Variants in HSPA14 observed in about 807,000 individuals in gnomAD.
The protein encoded by HSPA14 is heat shock 70 kDa protein 14.
HSPA14 carries 37 observed loss-of-function variants against 65.5 expected under a neutral mutation model. The observed-to-expected ratio is 0.56, with a 90% CI of 0.43 to 0.74. The LOEUF (loss-of-function observed/expected upper bound fraction) is 0.74, where lower values mean the gene tolerates loss of function less well. Among genes scored for constraint, HSPA14 ranks in the 30% least tolerant of loss-of-function variants. HSPA14 has a pLI of 0.00. For missense variants in HSPA14, 564 were observed against 607.6 expected, an observed-to-expected ratio of 0.93 and a Z score of 0.75; for synonymous variants, 203 against 214.2, an observed-to-expected ratio of 0.95 and a Z score of 0.46.
At position 14,842,656 on chromosome 10, in the gene HSPA14, C is replaced by T; in HGVS notation, c.221+2499C>T. On this transcript the variant is annotated intron_variant, in intron 3 of 13. Coordinates refer to ENST00000378372, the MANE Select transcript of HSPA14 (RefSeq NM_016299.4). The surrounding 1 kb of genome is among the most constrained non-coding windows in gnomAD (Gnocchi z 5.2). ...CTTGGGCCAAGCACTGTGATCAGAA[C>T]TTAGTGGCCTCTGACGCCCCAGGGG... 6.5e-7 allele frequency: 1 copy of T among 1,536,218 alleles called. No homozygotes were observed.
intron 8 of HSPA14, 119 bp from the exon 9 acceptor site, chr10:14,854,006 C>A: frequency 1.0e-6 from 1 of 1,002,308 alleles, no homozygotes; most frequent in African/African-American, 1.7e-5. Flanking sequence ...GCGTGAGCCA[C>A]CGCACCCGGC....
At chr10:14,846,301 T>C in intron 3 of HSPA14, 1 of 985,372 alleles carries the variant, frequency 1.0e-6, no homozygotes, top group Non-Finnish European at 1.2e-6. Context: ...ATTCTATAAA[T>C]CTATTAATGG....
intron 3 of HSPA14, chr10:14,846,236 T>A: frequency 1.0e-6 from 1 of 985,244 alleles, no homozygotes; most frequent in Non-Finnish European, 1.2e-6. Flanking sequence ...GGTAGGTAGG[T>A]AGGTAGGTAG....
intron 9 of HSPA14, among the ~76,000 whole-genome samples, chr10:14,854,942 G>C (rs2131642386): frequency 6.6e-6 from 1 of 152,298 alleles, no homozygotes; most frequent in South Asian, 2.1e-4. Context: ...AGTCCTGTTG[G>C]ACAGCTATGC....
Position 14,842,710 on chromosome 10 carries a change from AAG to A in HSPA14, c.221+2554_221+2555del. 1 of 1,536,414 alleles carries A rather than the reference AAG, an allele frequency of 6.5e-7. No homozygotes were observed. Among genetic ancestry groups the A allele is most frequent in the Non-Finnish European group, 8.7e-7 (1 of 1,146,972 alleles). On this transcript the variant is annotated intron_variant, in intron 3 of 13. Coordinates refer to ENST00000378372, the MANE Select transcript of HSPA14 (RefSeq NM_016299.4). This position sits in a 1 kb window ranked among gnomAD's most constrained non-coding sequence, Gnocchi z 5.2. ...AGGGAACCGGCATTCTAAAATCAAA[AAG>A]GACTCAGGCAGCTGATCATCAGCCT...
chr10:14,853,025 C>A (rs991297127), intron 8 of HSPA14, among the ~76,000 whole-genome samples: 1 of 151,814 alleles, frequency 6.6e-6, no homozygotes, highest in East Asian at 1.9e-4. Flanking sequence ...AAAATTCTAA[C>A]CCTTTTGGAT....
chr10:14,870,027 C>G (rs544655158), intron 12 of HSPA14, among the ~76,000 whole-genome samples: 38 of 152,308 alleles, frequency 2.5e-4, no homozygotes, highest in Middle Eastern at 6.8e-3. Context: ...TTGGCAAAGC[C>G]TAAAGTCACT....
At chr10:14,839,836 C>A in intron 1 of HSPA14, 69 bp from the exon 2 acceptor site, 1 of 1,106,480 alleles carries the variant, frequency 9.0e-7, no homozygotes, top group South Asian at 1.5e-5. Context: ...GGCAAAGTAA[C>A]ACTGGTGCAC....
rs755840317 is a variant in HSPA14 at position 14,849,823 on chromosome 10, G to A, written c.467+12G>A. 1.3e-6 allele frequency: 2 copies of A among 1,536,950 alleles called. No individual in the cohort carries two copies. The highest frequency in any genetic ancestry group is 9.0e-7 in the Non-Finnish European group (1 of 1,114,698). On this transcript the variant is annotated intron_variant, in intron 6 of 13. Transcript: ENST00000378372. ...AAAAATGCTCTTGGGTAAGTATATG[G>A]GGTTTATCTTACTGGCTTAATTAAA... is the stretch of plus-strand genomic sequence containing the variant.
At chr10:14,846,631 A>T (rs1460612804) in intron 3 of HSPA14, 3 of 952,024 alleles carry the variant, frequency 3.2e-6, no homozygotes, top group African/African-American at 1.8e-5. Context: ...TTCCTCATTT[A>T]TAAAGTGGGA....
At chr10:14,862,019 AAAAG>A (rs1249892524) in intron 10 of HSPA14, among the ~76,000 whole-genome samples, 1 of 142,522 alleles carries the variant, frequency 7.0e-6, no homozygotes, top group African/African-American at 2.8e-5. Context: ...TCAAAAAAAA[AAAAG>A]AAATAGATTT....
At chr10:14,859,038 G>T (rs2131644056) in intron 10 of HSPA14, among the ~76,000 whole-genome samples, 1 of 152,204 alleles carries the variant, frequency 6.6e-6, no homozygotes. Context: ...GCTTGAGGGG[G>T]ACAGGTTTCT....
intron 3 of HSPA14, among the ~76,000 whole-genome samples, chr10:14,840,722 T>C (rs969130750): frequency 1.3e-5 from 2 of 152,274 alleles, no homozygotes; most frequent in Non-Finnish European, 2.9e-5. Flanking sequence ...CCCAGACTTC[T>C]GTCTCCTCAA....
At position 14,852,403 on chromosome 10, in the gene HSPA14, C is replaced by G; in HGVS notation, c.606C>G (p.Ser202=). 6.2e-7 allele frequency: 1 copy of G among 1,613,794 alleles called. No individual in the cohort carries two copies. The highest frequency in any genetic ancestry group is 2.2e-5 in the East Asian group (1 of 44,860). Residue 202 remains serine, a synonymous_variant, in exon 8 of 14, where the codon TCC becomes TCG. Transcript: ENST00000378372. ...TGGTGTTTAAGCTTGGAGGAACATC[C>G]TTATCTCTCAGCGTCATGGAAGTTA... ...NILVFKLGGT[S]LSLSVMEVNS...
chr10:14,865,434 T>A (rs1832796834), intron 10 of HSPA14, among the ~76,000 whole-genome samples: 1 of 152,138 alleles, frequency 6.6e-6, no homozygotes, highest in Non-Finnish European at 1.5e-5. Flanking sequence ...TAGGTTTTCT[T>A]CTAGGGTTTT....
chr10:14,843,590 C>T (rs1278114208), intron 3 of HSPA14: 10 of 1,550,624 alleles, frequency 6.4e-6, no homozygotes, highest in Non-Finnish European at 8.7e-6. Flanking sequence ...AGGCCCTTGA[C>T]CAGTGAGCCC....
At chr10:14,841,967 T>G in intron 3 of HSPA14, 4 of 436,210 alleles carry the variant, frequency 9.2e-6, no homozygotes, top group East Asian at 1.1e-4. Flanking sequence ...TACCAAGCCA[T>G]TAGGTTCTTG....
At chr10:14,843,834 T>C (rs1471221276) in intron 3 of HSPA14, 2 of 1,536,274 alleles carry the variant, frequency 1.3e-6, no homozygotes, top group African/African-American at 2.7e-5. Flanking sequence ...AGGCAACTGG[T>C]GCTTTTCAGC....
At chr10:14,864,303 A>G (rs1222935545) in intron 10 of HSPA14, among the ~76,000 whole-genome samples, 1 of 142,806 alleles carries the variant, frequency 7.0e-6, no homozygotes, top group Non-Finnish European at 1.5e-5. Context: ...GTTTTTTTGC[A>G]TAGCACCACT....
Sources: gnomAD v4.1 joint callset for allele counts (sites outside exome capture counted in the v4.1 genomes callset) on GRCh38, gnomAD v4.1.1 for gene constraint, Gnocchi (gnomAD v3.1) non-coding constraint, MANE v1.5 for transcripts, NCBI Gene and HGNC (gene_info 2026-07-23, HGNC 2026-07-21) for gene names.